Variants in TNFRSF11A observed in about 807,000 individuals in gnomAD.
TNFRSF11A encodes tumor necrosis factor receptor superfamily member 11A.
A neutral mutation model predicts 55.7 loss-of-function variants in TNFRSF11A; 32 were observed. The ratio of observed to expected loss-of-function variants is 0.57; its 90% CI spans 0.43 to 0.77. The LOEUF (loss-of-function observed/expected upper bound fraction) is 0.77. TNFRSF11A is among the 30% of genes least tolerant of loss of function. The pLI is 0.00. For synonymous variants in TNFRSF11A, 311 were observed against 331.0 expected (o/e 0.94, Z 0.65); for missense variants, 753 against 809.8 (o/e 0.93, Z 0.85).
chr18:62,358,230 T>G lies in TNFRSF11A; in HGVS notation c.428-18T>G, dbSNP rs752338757. 1.9e-5 allele frequency: 31 copies of G among 1,599,488 alleles called. No individual in the cohort carries two copies. Among genetic ancestry groups the G allele is most frequent in the Admixed American group, 6.7e-5 (4 of 59,826 alleles). On this transcript the variant is annotated intron_variant, in intron 4 of 9. Coordinates refer to ENST00000586569, the MANE Select transcript of TNFRSF11A (RefSeq NM_003839.4). ...TTGTTTGTTCTGTCTGGGTTGTTTT[T>G]TTTTTTTTTTCTCACAGTGCAGCTC...
rs1157192154 is a variant in TNFRSF11A at position 62,384,913 on chromosome 18, G to A, written c.1730G>A (p.Arg577His). 2 of 1,566,216 alleles carry A rather than the reference G, an allele frequency of 1.3e-6. No individual in the cohort carries two copies. Among genetic ancestry groups the A allele is most frequent in the Non-Finnish European group, 8.6e-7 (1 of 1,156,834 alleles). Residue 577 changes from arginine to histidine, a missense_variant, in exon 10 of 10, where the codon CGC (arginine) becomes CAC (histidine). This residue lies in a region of TNFRSF11A where 567 missense variants were observed against 596.7 expected (regional missense o/e 0.95). Transcript: ENST00000586569. Reference sequence around the variant, plus strand: ...CCGGTGCAGGAGGAGACCCTGGCGCGCCGAGACTCCTTCGCGGGGAACGGC... The same window carrying A: ...CCGGTGCAGGAGGAGACCCTGGCGCACCGAGACTCCTTCGCGGGGAACGGC... ...GRPVQEETLA[R>H]RDSFAGNGPR...
intron 9 of TNFRSF11A, 147 bp downstream of exon 9, chr18:62,369,631 A>T: frequency 1.9e-6 from 2 of 1,050,506 alleles, no homozygotes; most frequent in South Asian, 1.4e-5. Context: ...TTTTTACAGG[A>T]TGGCTTTGGA....
intron 1 of TNFRSF11A, among the ~76,000 whole-genome samples, chr18:62,328,603 C>T (rs953981764): frequency 6.6e-6 from 1 of 152,132 alleles, no homozygotes; most frequent in African/African-American, 2.4e-5. Flanking sequence ...CCTGGAGCGC[C>T]CATGGGGAGA....
intron 7 of TNFRSF11A, among the ~76,000 whole-genome samples, chr18:62,363,052 C>T (rs1412625360): frequency 1.3e-5 from 2 of 152,036 alleles, no homozygotes; most frequent in Non-Finnish European, 2.9e-5. Context: ...CCATGTTGGC[C>T]AGGCTGGTCT....
intron 6 of TNFRSF11A, among the ~76,000 whole-genome samples, chr18:62,360,808 A>C (rs535131559): frequency 1.3e-5 from 2 of 152,324 alleles, no homozygotes; most frequent in African/African-American, 4.8e-5. Flanking sequence ...GAGGCTGGTT[A>C]CTTGGTGAGC....
Position 62,384,867 on chromosome 18 carries a change from G to T in TNFRSF11A, c.1684G>T (p.Ala562Ser). Residue 562 changes from alanine (A) to serine (S), a missense_variant, in exon 10 of 10, where the codon GCT (alanine) becomes TCT (serine). By Grantham distance (99) the Ala-to-Ser change is moderately conservative. Transcript: ENST00000586569. ...SQTSQEGAAA[A>S]AEPMGRPVQE... ...GACCTCGCAGGAGGGCGCGGCGGCG[G>T]CTGCGGAGCCCATGGGCCGCCCGGT... 2 of 1,601,374 alleles carry T rather than the reference G, an allele frequency of 1.2e-6. No homozygotes were observed. Among genetic ancestry groups the T allele is most frequent in the Non-Finnish European group, 1.7e-6 (2 of 1,174,326 alleles).
intron 7 of TNFRSF11A, among the ~76,000 whole-genome samples, chr18:62,364,831 T>C (rs1367324552): frequency 1.3e-5 from 2 of 152,208 alleles, no homozygotes; most frequent in Admixed American, 1.3e-4. Context: ...TTATTTCCCC[T>C]ATTTTGTGAT....
At chr18:62,350,287 T>C (rs1340326798) in intron 3 of TNFRSF11A, among the ~76,000 whole-genome samples, 2 of 152,180 alleles carry the variant, frequency 1.3e-5, no homozygotes, top group Non-Finnish European at 2.9e-5. Context: ...TGTTTATTTA[T>C]TTATTTATTT....
At chr18:62,343,320 CATCGTTCGA>C (rs1180883491) in intron 1 of TNFRSF11A, among the ~76,000 whole-genome samples, 1 of 152,240 alleles carries the variant, frequency 6.6e-6, no homozygotes, top group African/African-American at 2.4e-5. Context: ...CCTCTTTCTA[CATCGTTCGA>C]TGTCAGCATG....
At chr18:62,353,017 A>G (rs1445383251) in intron 3 of TNFRSF11A, among the ~76,000 whole-genome samples, 1 of 152,138 alleles carries the variant, frequency 6.6e-6, no homozygotes, top group Non-Finnish European at 1.5e-5. Context: ...GTTTTAAATA[A>G]TGTTATTGTT....
chr18:62,349,574 C>T (rs1486092662), intron 2 of TNFRSF11A, among the ~76,000 whole-genome samples: 2 of 152,160 alleles, frequency 1.3e-5, no homozygotes, highest in Non-Finnish European at 2.9e-5. Flanking sequence ...ACAGGCTCAG[C>T]GGACCCAGGT....
chr18:62,385,058 G>A lies in TNFRSF11A; in HGVS notation c.*24G>A. ...GAGCGCCCCCCATGGCTGGGAGCCC[G>A]AAGCTCGGAGCCAGGGCTCGCGAGG... On this transcript the variant is annotated 3_prime_UTR_variant, in exon 10 of 10. Coordinates refer to ENST00000586569, the MANE Select transcript of TNFRSF11A (RefSeq NM_003839.4). 1 of 1,458,166 alleles carries A rather than the reference G, an allele frequency of 6.9e-7. No homozygotes were observed. The highest frequency in any genetic ancestry group is 9.0e-7 in the Non-Finnish European group (1 of 1,114,532). The allele number at this position is 1,458,166 out of a possible 1,614,324, so 90.3% of individuals were successfully genotyped here.
At chr18:62,339,864 C>T (rs1402495709) in intron 1 of TNFRSF11A, among the ~76,000 whole-genome samples, 1 of 152,140 alleles carries the variant, frequency 6.6e-6, no homozygotes, top group Non-Finnish European at 1.5e-5. Flanking sequence ...TTGCGGGGAA[C>T]AGTATGTGTG....
chr18:62,381,491 C>T (rs775640294), intron 9 of TNFRSF11A, among the ~76,000 whole-genome samples: 23 of 152,090 alleles, frequency 1.5e-4, no homozygotes, highest in African/African-American at 2.4e-4. Context: ...GAGATGAGAA[C>T]GAATTCAAAA....
intron 2 of TNFRSF11A, among the ~76,000 whole-genome samples, chr18:62,349,470 C>T (rs1358163525): frequency 6.6e-6 from 1 of 152,186 alleles, no homozygotes; most frequent in African/African-American, 2.4e-5. Flanking sequence ...TGTGAGCCAC[C>T]GTGCCTGGCC....
intron 4 of TNFRSF11A, among the ~76,000 whole-genome samples, chr18:62,354,988 T>C (rs1359767900): frequency 6.6e-6 from 1 of 152,216 alleles, no homozygotes; most frequent in African/African-American, 2.4e-5. Context: ...AGGACTTAGT[T>C]ACCAGGGAAT....
chr18:62,354,792 T>C (rs1310010175), intron 4 of TNFRSF11A, among the ~76,000 whole-genome samples: 1 of 152,190 alleles, frequency 6.6e-6, no homozygotes, highest in Non-Finnish European at 1.5e-5. Flanking sequence ...CAGGGGTTGC[T>C]GGGGCTCCTC....
intron 5 of TNFRSF11A, among the ~76,000 whole-genome samples, 195 bp from the exon 6 acceptor site, chr18:62,359,759 CG>C (rs1405499970): frequency 1.3e-5 from 2 of 152,194 alleles, no homozygotes; most frequent in Non-Finnish European, 2.9e-5. Context: ...ACACAGGCAG[CG>C]TTTGCTTTTG....
At chr18:62,343,641 A>G (rs1397914052) in intron 1 of TNFRSF11A, among the ~76,000 whole-genome samples, 2 of 152,308 alleles carry the variant, frequency 1.3e-5, no homozygotes, top group East Asian at 1.9e-4. Context: ...GACTGTGGAC[A>G]TGGTTATTCT....
Sources: gnomAD v4.1 joint callset for allele counts (sites outside exome capture counted in the v4.1 genomes callset) on GRCh38, gnomAD v4.1.1 for gene constraint, gnomAD v4.1.1 regional missense constraint, MANE v1.5 for transcripts, NCBI Gene and HGNC (gene_info 2026-07-23, HGNC 2026-07-21) for gene names.